Variants in FOXO1 observed in about 807,000 individuals in gnomAD.
FOXO1 encodes forkhead box protein O1.
Under a neutral mutation model 44.1 loss-of-function variants are expected in FOXO1, and 6 were observed. That is an observed-to-expected ratio of 0.14 (90% confidence interval 0.07 to 0.27). The LOEUF (loss-of-function observed/expected upper bound fraction) is 0.27. Ranked by LOEUF, FOXO1 falls within the 10% of genes least tolerant of loss-of-function variation. The pLI, the probability that FOXO1 is intolerant of heterozygous loss-of-function variation, is 1.00. For synonymous variants in FOXO1, 380 were observed against 362.7 expected, an observed-to-expected ratio of 1.05 and a Z score of -0.54; for missense variants, 737 against 888.8, an observed-to-expected ratio of 0.83 and a Z score of 2.17.
At chr13:40,598,041 T>C (rs1875649060) in intron 1 of FOXO1, among the ~76,000 whole-genome samples, 1 of 152,120 alleles carries the variant, frequency 6.6e-6, no homozygotes, top group Admixed American at 6.5e-5. Context: ...TGGACTTTTC[T>C]CAGTTTCAAA....
intron 1 of FOXO1, among the ~76,000 whole-genome samples, chr13:40,616,380 G>A (rs1028783193): frequency 6.6e-6 from 1 of 152,170 alleles, no homozygotes; most frequent in African/African-American, 2.4e-5. Flanking sequence ...GTTTAAAGAT[G>A]TATGAAGGAC....
At chr13:40,647,619 G>A (rs545195430) in intron 1 of FOXO1, among the ~76,000 whole-genome samples, 2 of 152,240 alleles carry the variant, frequency 1.3e-5, no homozygotes, top group Non-Finnish European at 2.9e-5. Context: ...TGGTCAGGCT[G>A]CACTCCAACT....
chr13:40,601,693 G>C (rs115420968), intron 1 of FOXO1, among the ~76,000 whole-genome samples: 3,387 of 152,054 alleles, frequency 0.022, 117 homozygotes, highest in African/African-American at 0.074. Context: ...GGTCACATTG[G>C]CACCTTTTTA....
In FOXO1 at chr13:40,560,163, T is replaced by C. The variant is rs762595333; in HGVS notation, c.1328A>G (p.Gln443Arg). 1 of 1,614,162 alleles carries C rather than the reference T, an allele frequency of 6.2e-7. No homozygotes were observed. The highest frequency in any genetic ancestry group is 1.1e-5 in the South Asian group (1 of 91,084). Residue 443 changes from glutamine to arginine, a missense_variant, in exon 2 of 3, where the codon CAG becomes CGG. Physicochemically the swap from Gln to Arg is conservative, Grantham distance 43 (BLOSUM62 1). Coordinates refer to ENST00000379561, the MANE Select transcript of FOXO1 (RefSeq NM_002015.4). The surrounding 1 kb of genome is among the most constrained non-coding windows in gnomAD (Gnocchi z 5.1). Reference protein sequence around the residue: ...PLPQMPIQTLQDNKSSYGGMS... With the variant: ...PLPQMPIQTLRDNKSSYGGMS... ...ACCTCCATAACTCGACTTATTGTCC[T>C]GAAGTGTTTGTATAGGCATCTGGGG...
chr13:40,608,267 A>G (rs1312287264), intron 1 of FOXO1, among the ~76,000 whole-genome samples: 3 of 152,172 alleles, frequency 2.0e-5, no homozygotes, highest in Non-Finnish European at 4.4e-5. Flanking sequence ...GATTCAAGAG[A>G]TGCTATGGCT....
At chr13:40,614,529 C>T (rs954743642) in intron 1 of FOXO1, among the ~76,000 whole-genome samples, 16 of 152,170 alleles carry the variant, frequency 1.1e-4, no homozygotes, top group African/African-American at 3.9e-4. Flanking sequence ...ACTGAGGGGA[C>T]AGCAAATCTT....
intron 1 of FOXO1, among the ~76,000 whole-genome samples, chr13:40,574,869 A>C (rs569737453): frequency 1.8e-4 from 27 of 152,330 alleles, no homozygotes; most frequent in African/African-American, 6.5e-4. Context: ...AATCTATCAC[A>C]CATAATAAAT....
chr13:40,620,170 G>A (rs1876561206), intron 1 of FOXO1: 23 of 1,540,948 alleles, frequency 1.5e-5, no homozygotes, highest in Non-Finnish European at 2.1e-5. Flanking sequence ...AACAGTAGAA[G>A]AAGAATCCAG....
At chr13:40,622,074 C>A (rs1355218782) in intron 1 of FOXO1, among the ~76,000 whole-genome samples, 1 of 152,122 alleles carries the variant, frequency 6.6e-6, no homozygotes, top group Non-Finnish European at 1.5e-5. Context: ...ATATATAATA[C>A]TGAACAAGTA....
intron 1 of FOXO1, chr13:40,619,379 T>C: frequency 1.5e-6 from 1 of 680,438 alleles, no homozygotes. Flanking sequence ...TATTCTCTTC[T>C]AGCATAGTTG....
chr13:40,592,978 A>G (rs1875440407), intron 1 of FOXO1, among the ~76,000 whole-genome samples: 1 of 152,170 alleles, frequency 6.6e-6, no homozygotes, highest in Non-Finnish European at 1.5e-5. Flanking sequence ...TAAAACATCA[A>G]CTATGCCTCA....
intron 1 of FOXO1, among the ~76,000 whole-genome samples, chr13:40,609,151 C>T (rs1439498648): frequency 1.3e-5 from 2 of 152,018 alleles, no homozygotes; most frequent in African/African-American, 4.8e-5. Context: ...AATTAATTAT[C>T]GTTATCATTT....
chr13:40,649,845 C>G (rs761915269), intron 1 of FOXO1, among the ~76,000 whole-genome samples: 9 of 152,218 alleles, frequency 5.9e-5, no homozygotes, highest in Non-Finnish European at 8.8e-5. Flanking sequence ...CATTCTTCAC[C>G]TCTAGTTCAG....
At chr13:40,590,146 A>G (rs529695804) in intron 1 of FOXO1, among the ~76,000 whole-genome samples, 2 of 152,200 alleles carry the variant, frequency 1.3e-5, no homozygotes, top group Non-Finnish European at 2.9e-5. Context: ...GAGAGATTTT[A>G]AAACCATCAT....
At position 40,598,183 on chromosome 13, in the gene FOXO1, G is replaced by T. The variant is rs150581341; in HGVS notation, c.631-37323C>A. On this transcript the variant is annotated intron_variant, in intron 1 of 2. Coordinates refer to ENST00000379561, the MANE Select transcript of FOXO1 (RefSeq NM_002015.4). ...AGGAGGGAAATGGAAATCTACTCAT[G>T]GTTAAGTGAGCAGACAGAACACCGG... Among the ~76,000 whole-genome samples the T allele has an allele frequency of 3.6e-3, 554 of 152,308 alleles. 6 individuals are homozygous for T. The highest frequency in any genetic ancestry group is 0.013 in the African/African-American group (521 of 41,558).
chr13:40,583,369 A>G (rs1179288623), intron 1 of FOXO1, among the ~76,000 whole-genome samples: 1 of 152,180 alleles, frequency 6.6e-6, no homozygotes, highest in Non-Finnish European at 1.5e-5. Context: ...TACCCCCCTA[A>G]TAAGAGAATC....
At chr13:40,584,454 T>C (rs1310347072) in intron 1 of FOXO1, among the ~76,000 whole-genome samples, 4 of 105,744 alleles carry the variant, frequency 3.8e-5, no homozygotes, top group African/African-American at 1.5e-4. Flanking sequence ...AGAAATTCTA[T>C]CTCCACAAAA....
At chr13:40,603,088 AG>A (rs1259277197) in intron 1 of FOXO1, among the ~76,000 whole-genome samples, 2 of 152,132 alleles carry the variant, frequency 1.3e-5, no homozygotes, top group Non-Finnish European at 2.9e-5. Context: ...GTTACAATTC[AG>A]GGGGCTGCCA....
At position 40,560,473 on chromosome 13, in the gene FOXO1, CT is replaced by C. The variant is rs1873959000; in HGVS notation, c.1017del (p.Glu340LysfsTer26). 1 of 1,614,032 alleles carries C rather than the reference CT, an allele frequency of 6.2e-7. No homozygotes were observed. The highest frequency in any genetic ancestry group is 1.3e-5 in the African/African-American group (1 of 74,916). ...TACACCATAGAATGCACATCCCCTTCTCCAAGATCATCCTGTTCGGTCATAA... is the reference window on the plus strand; with the variant it reads ...TACACCATAGAATGCACATCCCCTTCCCAAGATCATCCTGTTCGGTCATAA... ...SPIMTEQDDL[G>X]EGDVHSMVYP... On this transcript the variant is annotated frameshift_variant, in exon 2 of 3. Coordinates refer to ENST00000379561, the MANE Select transcript of FOXO1 (RefSeq NM_002015.4). LOFTEE classifies it high-confidence loss of function. The surrounding 1 kb of genome is among the most constrained non-coding windows in gnomAD (Gnocchi z 5.1).
Sources: gnomAD v4.1 joint callset for allele counts (sites outside exome capture counted in the v4.1 genomes callset) on GRCh38, gnomAD v4.1.1 for gene constraint, Gnocchi (gnomAD v3.1) non-coding constraint, MANE v1.5 for transcripts, NCBI Gene and HGNC (gene_info 2026-07-23, HGNC 2026-07-21) for gene names.